The following PARVG variants were observed in gnomAD, a reference collection of about 807,000 sequenced individuals.
PARVG encodes parvin gamma, also known as gamma-parvin.
PARVG carries 36 observed loss-of-function variants against 44.4 expected under a neutral mutation model. The ratio of observed to expected loss-of-function variants is 0.81; its 90% CI spans 0.62 to 1.07. The LOEUF is 1.07. PARVG is among the 50% of genes least tolerant of loss of function. The pLI, the probability that PARVG is intolerant of heterozygous loss-of-function variation, is 0.00. For synonymous variants in PARVG, 170 were observed against 174.1 expected, an observed-to-expected ratio of 0.98 and a Z score of 0.19; for missense variants, 407 against 407.4, an observed-to-expected ratio of 1.00 and a Z score of 0.01.
At chr22:44,190,445 G>A in intron 6 of PARVG, 106 bp from the exon 7 acceptor site, 1 of 811,630 alleles carries the variant, frequency 1.2e-6, no homozygotes, top group East Asian at 2.5e-5. Flanking sequence ...GCTGGACACA[G>A]ACCTCCTTGG....
At chr22:44,205,144 G>A (rs1039965331) in intron 12 of PARVG, among the ~76,000 whole-genome samples, 3 of 152,184 alleles carry the variant, frequency 2.0e-5, no homozygotes, top group Non-Finnish European at 4.4e-5. Context: ...GCAAGGGGTG[G>A]CGGAAAGGAC....
chr22:44,181,855 G>A lies in PARVG; in HGVS notation c.-75G>A, dbSNP rs1601726619. On this transcript the variant is annotated 5_prime_UTR_variant, in exon 2 of 14. Transcript: ENST00000444313. The stretch of plus-strand genomic sequence containing the variant: ...AAGAACCCGGAACTTGCTTCCATTC[G>A]GAATCCAGGGACCACCCTTTGCACT... 8 of 985,486 alleles carry A rather than the reference G, an allele frequency of 8.1e-6. No homozygotes were observed. The South Asian group carries it at 3.3e-4, about 41-fold the overall frequency. 61.0% of individuals were successfully genotyped at this position (985,486 alleles called of 1,614,324 possible). A position where few individuals can be genotyped will look rare whatever the true frequency, so the allele number is the denominator to read the frequency against.
chr22:44,190,435 G>C (rs1051968431), intron 6 of PARVG, 116 bp from the exon 7 acceptor site: 6 of 741,862 alleles, frequency 8.1e-6, no homozygotes, highest in Admixed American at 6.2e-5. Context: ...TCTCCAGAAG[G>C]CTGGACACAG....
rs576537920 is a variant in PARVG at position 44,182,238 on chromosome 22, G to C, written c.-13+321G>C. ...GCTGCTGATCCCTTTGGGCAGCATC[G>C]AGTCCAGGCCCTCCTTGTAACCATG... On this transcript the variant is annotated intron_variant, in intron 2 of 13. Transcript: ENST00000444313. This position sits in a 1 kb window ranked among gnomAD's most constrained non-coding sequence, Gnocchi z 4.6. Among the ~76,000 whole-genome samples, 48 of 152,330 alleles carry C rather than the reference G, an allele frequency of 3.2e-4. 1 individual carries two copies. The highest frequency in any genetic ancestry group is 1.1e-3 in the African/African-American group (47 of 41,574).
intron 4 of PARVG, chr22:44,186,202 G>T (rs967512563): frequency 3.6e-5 from 11 of 306,004 alleles, no homozygotes; most frequent in South Asian, 3.3e-4. Context: ...TCAGGGGCAC[G>T]CAGCTGCCCG....
At chr22:44,181,637 G>T in intron 1 of PARVG, 105 bp from the exon 2 acceptor site, 1 of 874,398 alleles carries the variant, frequency 1.1e-6, no homozygotes. Flanking sequence ...CAGAACCCCG[G>T]GGGCCCAGGC....
intron 5 of PARVG, 30 bp from the exon 6 acceptor site, chr22:44,189,083 AG>A (rs752103267): frequency 3.2e-5 from 52 of 1,613,460 alleles, no homozygotes; most frequent in East Asian, 2.0e-4. Context: ...GTCCCCGGCC[AG>A]GGGTCCTCAC....
intron 1 of PARVG, 139 bp downstream of exon 1, chr22:44,181,324 T>G: frequency 2.0e-6 from 2 of 985,250 alleles, no homozygotes; most frequent in Middle Eastern, 1.0e-3. Context: ...GAGCCTCAGC[T>G]CAGGGGCGGG....
At chr22:44,196,096 C>T in intron 9 of PARVG, 59 bp from the exon 10 acceptor site, 1 of 1,599,276 alleles carries the variant, frequency 6.3e-7, no homozygotes, top group African/African-American at 1.3e-5. Flanking sequence ...AAAAAATTCC[C>T]TGTTTGGCAC....
intron 1 of PARVG, among the ~76,000 whole-genome samples, chr22:44,175,402 C>A (rs1309114305): frequency 1.3e-5 from 2 of 152,234 alleles, no homozygotes; most frequent in African/African-American, 4.8e-5. Context: ...TTCATCCTTA[C>A]CCAGGCAGGA....
chr22:44,198,588 C>T, intron 11 of PARVG, 33 bp from the exon 12 acceptor site: 1 of 1,529,400 alleles, frequency 6.5e-7, no homozygotes, highest in South Asian at 1.1e-5. Context: ...CAGGCTTCTT[C>T]CATGTGATTG....
At chr22:44,183,891 A>G (rs1039963108) in intron 3 of PARVG, 2 of 348,034 alleles carry the variant, frequency 5.7e-6, no homozygotes, top group African/African-American at 2.1e-5. Context: ...GATGCCCACC[A>G]TGGAGTGATA....
intron 1 of PARVG, among the ~76,000 whole-genome samples, chr22:44,174,205 G>T (rs1160323640): frequency 1.3e-5 from 2 of 151,848 alleles, no homozygotes; most frequent in Non-Finnish European, 2.9e-5. Flanking sequence ...GGGTGCGGGT[G>T]GGGCAGGGGA....
In PARVG at chr22:44,206,661, G is replaced by A. The variant is rs1401447901; in HGVS notation, c.*235G>A. On this transcript the variant is annotated 3_prime_UTR_variant, in exon 14 of 14. Coordinates refer to ENST00000444313, the MANE Select transcript of PARVG (RefSeq NM_022141.7). ...AAAAGTATTTCTGGGAGGGATTCTG[G>A]GAACTTGACAGGGTCCTGAGGAGGG... 4 of 530,084 alleles carry A rather than the reference G, an allele frequency of 7.5e-6. No homozygotes were observed. Among genetic ancestry groups the A allele is most frequent in the South Asian group, 6.5e-5 (3 of 46,254 alleles). The allele number at this position is 530,084 out of a possible 1,614,324, so 32.8% of individuals were successfully genotyped here. A position where few individuals can be genotyped will look rare whatever the true frequency, so the allele number is the denominator to read the frequency against.
At chr22:44,194,339 T>C (rs1440806214) in intron 9 of PARVG, among the ~76,000 whole-genome samples, 3 of 152,206 alleles carry the variant, frequency 2.0e-5, no homozygotes, top group African/African-American at 7.2e-5. Flanking sequence ...AATCAGTTGA[T>C]TGTTCTAGTT....
chr22:44,188,956 T>G, intron 5 of PARVG, 158 bp from the exon 6 acceptor site: 6 of 895,292 alleles, frequency 6.7e-6, no homozygotes, highest in African/African-American at 1.7e-5. Context: ...CATACCCGAT[T>G]GAGGCTGTGA....
In PARVG at chr22:44,185,960, C is replaced by T. The variant is rs574839258; in HGVS notation, c.144+88C>T. The T allele has an allele frequency of 1.8e-4, 244 of 1,341,126 alleles. No individual in the cohort carries two copies. The South Asian group carries it at 2.5e-3, about 14-fold the overall frequency. 83.1% of individuals were successfully genotyped at this position (1,341,126 alleles called of 1,614,324 possible). ...CCACGGGGCGGGGACAGCAGGCTGT[C>T]CCCACTCCTTGGCCTCAGGCTGGGG... On this transcript the variant is annotated intron_variant, in intron 4 of 13. Transcript: ENST00000444313.
At chr22:44,204,135 G>T (rs747435305) in intron 12 of PARVG, among the ~76,000 whole-genome samples, 1 of 152,174 alleles carries the variant, frequency 6.6e-6, no homozygotes, top group Non-Finnish European at 1.5e-5. Context: ...ATGAGCCACC[G>T]TGCCTAGCCT....
chr22:44,204,210 A>G (rs1569189464), intron 12 of PARVG, among the ~76,000 whole-genome samples: 1 of 152,152 alleles, frequency 6.6e-6, no homozygotes, highest in African/African-American at 2.4e-5. Context: ...CCCTGCCCAT[A>G]CACTCCTTTC....
Sources: allele counts gnomAD v4.1 joint callset (sites outside exome capture counted in the v4.1 genomes callset), GRCh38; gene constraint gnomAD v4.1.1; non-coding constraint Gnocchi (gnomAD v3.1); transcripts MANE v1.5; gene names NCBI Gene and HGNC (gene_info 2026-07-23, HGNC 2026-07-21).